The following DHRS7 variants were observed in gnomAD, a reference collection of about 807,000 sequenced individuals.
DHRS7 encodes the protein dehydrogenase/reductase 7.
DHRS7 carries 34 observed loss-of-function variants against 38.9 expected under a neutral mutation model. The observed-to-expected ratio is 0.87, with a 90% CI of 0.66 to 1.16. The LOEUF (loss-of-function observed/expected upper bound fraction) is 1.16. Among genes scored for constraint, DHRS7 ranks in the 50% most tolerant of loss-of-function variants. DHRS7 has a pLI of 0.00. For synonymous variants in DHRS7, 158 were observed against 153.1 expected (o/e 1.03, Z -0.24); for missense variants, 421 against 407.0 (o/e 1.03, Z -0.30).
intron 2 of DHRS7, among the ~76,000 whole-genome samples, chr14:60,155,605 T>C (rs1474614931): frequency 6.6e-6 from 1 of 152,230 alleles, no homozygotes; most frequent in East Asian, 1.9e-4. Context: ...TTATCCCATA[T>C]GATTTTAATA....
rs1373071850 is a variant in DHRS7 at position 60,149,348 on chromosome 14, C to G, written c.972+5G>C. 1.9e-6 allele frequency: 3 copies of G among 1,613,140 alleles called. No individual in the cohort carries two copies. Among genetic ancestry groups the G allele is most frequent in the Non-Finnish European group, 2.5e-6 (3 of 1,179,144 alleles). ...ACTATTAAGAAACTTAGAAATTGGTCTTACCACACCACTCTTAAAGTTCTC... is the reference window on the plus strand; with the variant it reads ...ACTATTAAGAAACTTAGAAATTGGTGTTACCACACCACTCTTAAAGTTCTC... On this transcript the variant is annotated splice_donor_5th_base_variant and intron_variant, in intron 6 of 6. Coordinates refer to ENST00000557185, the MANE Select transcript of DHRS7 (RefSeq NM_016029.4).
At position 60,153,557 on chromosome 14, in the gene DHRS7, G is replaced by A. The variant is rs1046484904; in HGVS notation, c.394-379C>T. Among the ~76,000 whole-genome samples, 117 of 152,188 alleles carry A rather than the reference G, an allele frequency of 7.7e-4. 3 individuals carry two copies. The highest frequency in any genetic ancestry group is 3.1e-4 in the African/African-American group (13 of 41,528). ...TAAAAAATATAAAAATTAGCTGGGC[G>A]TGATGGTGCATGCCTGTAATCCCAG... On this transcript the variant is annotated intron_variant, in intron 3 of 6. Transcript: ENST00000557185. The surrounding 1 kb of genome is among the most constrained non-coding windows in gnomAD (Gnocchi z 4.4).
chr14:60,155,887 G>T, intron 2 of DHRS7, 113 bp downstream of exon 2: 1 of 1,119,388 alleles, frequency 8.9e-7, no homozygotes, highest in Non-Finnish European at 1.2e-6. Flanking sequence ...GAAGCATGTA[G>T]AACATTTGGA....
upstream of DHRS7, among the ~76,000 whole-genome samples, chr14:60,167,606 A>G (rs1896883974): frequency 1.3e-5 from 2 of 152,222 alleles, no homozygotes. Flanking sequence ...TCCATAACAA[A>G]AGCATTATAC....
At chr14:60,167,302 G>C (rs556607579), upstream of DHRS7, among the ~76,000 whole-genome samples, 7 of 152,314 alleles carry the variant, frequency 4.6e-5, no homozygotes, top group East Asian at 1.3e-3. Context: ...AAACCTCCTT[G>C]AAGTTCGGAA....
At chr14:60,150,662 A>C (rs200092617) in intron 4 of DHRS7, among the ~76,000 whole-genome samples, 1 of 152,112 alleles carries the variant, frequency 6.6e-6, no homozygotes, top group Non-Finnish European at 1.5e-5. Flanking sequence ...TTTTTTATGG[A>C]TGCATAGTAT....
At chr14:60,152,677 T>C (rs1438190097) in intron 4 of DHRS7, 7 of 474,674 alleles carry the variant, frequency 1.5e-5, no homozygotes, top group Non-Finnish European at 2.7e-5. Context: ...CCACATCTTA[T>C]TATCTTTATA....
At chr14:60,156,448 C>CT (rs1183304179) in intron 1 of DHRS7, among the ~76,000 whole-genome samples, 1 of 152,128 alleles carries the variant, frequency 6.6e-6, no homozygotes, top group Non-Finnish European at 1.5e-5. Context: ...CATGGTTTCA[C>CT]TCTAAGGCTC....
chr14:60,154,400 A>T (rs1595195439), intron 2 of DHRS7, among the ~76,000 whole-genome samples: 1 of 152,092 alleles, frequency 6.6e-6, no homozygotes, highest in Non-Finnish European at 1.5e-5. Context: ...GTTTTGTGAT[A>T]GGCTCACAAA....
At chr14:60,164,092 C>A (rs1254029) in intron 1 of DHRS7, among the ~76,000 whole-genome samples, 1 of 151,458 alleles carries the variant, frequency 6.6e-6, no homozygotes, top group African/African-American at 2.4e-5. Flanking sequence ...CCCAAGAAAA[C>A]CCAACCAGAA....
intron 4 of DHRS7, chr14:60,152,632 T>G: frequency 2.9e-6 from 1 of 349,382 alleles, no homozygotes. Context: ...AAGAGTAACA[T>G]GTTAAATAGA....
upstream of DHRS7, chr14:60,168,811 T>A: frequency 6.6e-7 from 1 of 1,511,246 alleles, no homozygotes; most frequent in Non-Finnish European, 8.9e-7. Context: ...GCAAACATGC[T>A]GACACTCCTC....
rs932394659 is a variant in DHRS7, at chr14:60,149,435, A to G, written c.890T>C (p.Leu297Ser). 3.1e-6 allele frequency: 5 copies of G among 1,614,200 alleles called. No homozygotes were observed. Among genetic ancestry groups the G allele is most frequent in the East Asian group, 2.2e-5 (1 of 44,888 alleles). ...SEQPFLLVTY[L>S]WQYMPTWAWW... ...GGCCCAGGTTGGCATGTATTGCCAC[A>G]AATATGTTACTAACAAGAAAGGTTG... The change falls in exon 6 of 7, where the codon TTG becomes TCG. Residue 297 changes from leucine to serine, a missense_variant. Coordinates refer to ENST00000557185, the MANE Select transcript of DHRS7 (RefSeq NM_016029.4).
Position 60,153,153 on chromosome 14 carries a change from C to A in DHRS7, c.419G>T (p.Gly140Val), listed in dbSNP as rs375896675. 9 of 1,614,028 alleles carry A rather than the reference C, an allele frequency of 5.6e-6. No individual in the cohort carries two copies. The highest frequency in any genetic ancestry group is 7.6e-6 in the Non-Finnish European group (9 of 1,179,976). The change falls in exon 4 of 7, where the codon GGA becomes GTA. Residue 140 changes from glycine to valine, a missense_variant. Gly to Val is a moderately radical substitution (Grantham distance 109). Transcript: ENST00000557185. The surrounding 1 kb of genome is among the most constrained non-coding windows in gnomAD (Gnocchi z 4.4). ...GRIDILVNNG[G>V]MSQRSLCMDT... ...CATGCACAGAGAACGCTGGGACATT[C>A]CACCATTGTTGACCAGAATGTCGAT...
upstream of DHRS7, chr14:60,168,652 A>G (rs1309703164): frequency 6.6e-7 from 1 of 1,522,990 alleles, no homozygotes; most frequent in Non-Finnish European, 8.8e-7. Context: ...AAACTGATCA[A>G]TGCTTTTTCC....
In DHRS7 at chr14:60,156,029, T is replaced by C; in HGVS notation, c.257A>G (p.Glu86Gly). 6.3e-7 allele frequency: 1 copy of C among 1,593,628 alleles called. No homozygotes were observed. The highest frequency in any genetic ancestry group is 1.4e-5 in the African/African-American group (1 of 73,602). ...GCATCTTCTTTTCACCCTTTCCAGCTCATGCACTCTTCTGGCTGACAGCAC... is the reference window on the plus strand; with the variant it reads ...GCATCTTCTTTTCACCCTTTCCAGCCCATGCACTCTTCTGGCTGACAGCAC... ...SLVLSARRVH[E>G]LERVKRRCLE... The change falls in exon 2 of 7, where the codon GAG becomes GGG. Residue 86 changes from glutamate (E) to glycine (G), a missense_variant. Glu to Gly is a moderately conservative substitution (Grantham distance 98, BLOSUM62 -2). Transcript: ENST00000557185.
intron 1 of DHRS7, among the ~76,000 whole-genome samples, chr14:60,157,961 G>A (rs991995966): frequency 1.4e-4 from 21 of 152,084 alleles, no homozygotes; most frequent in African/African-American, 4.8e-4. Context: ...GGCCAGGTAC[G>A]GTGGCTCACA....
At chr14:60,156,226 AAAAG>A (rs3835287) in intron 1 of DHRS7, 74 bp from the exon 2 acceptor site, 139 of 1,314,842 alleles carry the variant, frequency 1.1e-4, no homozygotes, top group Middle Eastern at 2.0e-4. Context: ...TTAGAAAAAA[AAAAG>A]AAAGCCTTAA....
At chr14:60,168,834 T>C, upstream of DHRS7, 4 of 1,448,938 alleles carry the variant, frequency 2.8e-6, no homozygotes, top group Non-Finnish European at 3.7e-6. Context: ...AATTTCACTC[T>C]TCATAAACCA....
Sources: allele counts gnomAD v4.1 joint callset (sites outside exome capture counted in the v4.1 genomes callset), GRCh38; gene constraint gnomAD v4.1.1; non-coding constraint Gnocchi (gnomAD v3.1); transcripts MANE v1.5; gene names NCBI Gene and HGNC (gene_info 2026-07-23, HGNC 2026-07-21).